Variants in SNTG1 observed in about 807,000 individuals in gnomAD.
The protein encoded by SNTG1 is syntrophin gamma 1, also known as gamma-1-syntrophin.
In SNTG1, 39 loss-of-function variants were observed where a neutral mutation model predicts 74.7. The observed-to-expected ratio is 0.52, with a 90% CI of 0.40 to 0.68. The LOEUF (loss-of-function observed/expected upper bound fraction) is 0.68. SNTG1 is among the 30% of genes least tolerant of loss of function. The pLI is 0.00. For missense variants in SNTG1, 685 were observed against 609.5 expected (o/e 1.12, Z -1.30); for synonymous variants, 254 against 217.1 (o/e 1.17, Z -1.49).
intron 5 of SNTG1, among the ~76,000 whole-genome samples, chr8:50,441,939 T>C (rs952382560): frequency 1.3e-5 from 2 of 152,052 alleles, no homozygotes; most frequent in African/African-American, 2.4e-5. Flanking sequence ...CATTAAAAGG[T>C]AAAGACCAAA....
intron 11 of SNTG1, among the ~76,000 whole-genome samples, chr8:50,551,872 A>G (rs1438242737): frequency 1.3e-5 from 2 of 152,162 alleles, no homozygotes; most frequent in Admixed American, 6.6e-5. Context: ...TTGAACCCTC[A>G]GAGTCGTGGA....
At chr8:49,995,610 A>C (rs1169481424) in intron 1 of SNTG1, among the ~76,000 whole-genome samples, 1 of 152,250 alleles carries the variant, frequency 6.6e-6, no homozygotes, top group African/African-American at 2.4e-5. Flanking sequence ...AGGTCCCCTC[A>C]CACACAAAGT....
At chr8:50,462,917 A>G (rs2093579216) in intron 8 of SNTG1, among the ~76,000 whole-genome samples, 1 of 138,540 alleles carries the variant, frequency 7.2e-6, no homozygotes. Context: ...CCCAGGTTCA[A>G]GTGATTCTCC....
chr8:50,406,498 A>T (rs956857650), intron 4 of SNTG1, among the ~76,000 whole-genome samples: 1 of 152,136 alleles, frequency 6.6e-6, no homozygotes, highest in African/African-American at 2.4e-5. Context: ...AAGTTTACTT[A>T]TTCCTTTCAA....
At chr8:50,116,590 T>C (rs966592410) in intron 1 of SNTG1, among the ~76,000 whole-genome samples, 2 of 152,210 alleles carry the variant, frequency 1.3e-5, no homozygotes, top group African/African-American at 2.4e-5. Context: ...ATTTTGAATA[T>C]ACACCTTCTT....
At chr8:50,349,919 T>C (rs1299455931) in intron 2 of SNTG1, among the ~76,000 whole-genome samples, 2 of 150,908 alleles carry the variant, frequency 1.3e-5, no homozygotes, top group Admixed American at 1.3e-4. Context: ...AGGTGTGGAG[T>C]GAGAGGCGCG....
rs375904899 is a variant in SNTG1 at position 50,236,436 on chromosome 8, C to A, written c.-28+63801C>A. 2.7e-5 allele frequency among the ~76,000 whole-genome samples: 4 copies of A among 148,024 alleles called. No homozygotes were observed. The East Asian group carries it at 6.1e-4, about 23-fold the overall frequency. ...AAAAAGCTCTGAATGTTTACAGAAA[C>A]TTTTTAATTGTAAATTTTTTTTTTT... On this transcript the variant is annotated intron_variant, in intron 2 of 18. Transcript: ENST00000642720.
intron 8 of SNTG1, among the ~76,000 whole-genome samples, chr8:50,487,386 C>T (rs1179686925): frequency 6.6e-6 from 1 of 152,178 alleles, no homozygotes; most frequent in Non-Finnish European, 1.5e-5. Flanking sequence ...GACACATGCA[C>T]ACGTTTATTT....
At chr8:49,957,487 G>T (rs1383514597) in intron 1 of SNTG1, among the ~76,000 whole-genome samples, 2 of 152,178 alleles carry the variant, frequency 1.3e-5, no homozygotes, top group African/African-American at 4.8e-5. Flanking sequence ...TCATGTAGGG[G>T]GGTAAGTGTG....
rs568391952 is a variant in SNTG1, at chr8:50,419,818, G to C, written c.162+17474G>C. 1.4e-4 allele frequency among the ~76,000 whole-genome samples: 22 copies of C among 152,074 alleles called. No individual in the cohort carries two copies. In the South Asian group the frequency reaches 4.6e-3, roughly 32 times the overall value. On this transcript the variant is annotated intron_variant, in intron 4 of 18. Coordinates refer to ENST00000642720, the MANE Select transcript of SNTG1 (RefSeq NM_018967.5). ...TTACAAACACCATTGAAACAAATGA[G>C]AAAATAGAATATCTCAGCCAAAAAA...
intron 2 of SNTG1, among the ~76,000 whole-genome samples, chr8:50,267,123 G>A (rs906834521): frequency 6.6e-6 from 1 of 151,978 alleles, no homozygotes; most frequent in Non-Finnish European, 1.5e-5. Context: ...GTGTAATGAA[G>A]TTCTAAATTT....
chr8:50,627,329 A>G (rs2094963106), intron 13 of SNTG1, among the ~76,000 whole-genome samples: 1 of 152,208 alleles, frequency 6.6e-6, no homozygotes, highest in Admixed American at 6.5e-5. Context: ...AAAAACCATC[A>G]TGAATGGATT....
chr8:50,575,501 T>C (rs953013432), intron 12 of SNTG1, among the ~76,000 whole-genome samples: 1 of 152,164 alleles, frequency 6.6e-6, no homozygotes, highest in Admixed American at 6.5e-5. Context: ...TCCTTTTCTG[T>C]TTTCCAGACT....
intron 13 of SNTG1, among the ~76,000 whole-genome samples, chr8:50,650,382 AT>A (rs1427216226): frequency 6.6e-6 from 1 of 152,098 alleles, no homozygotes; most frequent in East Asian, 1.9e-4. Flanking sequence ...TTTTATAAAT[AT>A]TCTTGTCAGG....
chr8:50,494,455 C>T (rs997923511), intron 8 of SNTG1, among the ~76,000 whole-genome samples: 2 of 151,862 alleles, frequency 1.3e-5, no homozygotes, highest in Non-Finnish European at 2.9e-5. Flanking sequence ...TGATTTTCTA[C>T]TGGAATCATC....
At chr8:50,461,418 C>T (rs2093561069) in intron 8 of SNTG1, among the ~76,000 whole-genome samples, 1 of 152,002 alleles carries the variant, frequency 6.6e-6, no homozygotes, top group Admixed American at 6.6e-5. Flanking sequence ...TCACTATACC[C>T]AATGCCAATT....
intron 2 of SNTG1, among the ~76,000 whole-genome samples, chr8:50,323,472 T>G (rs2090610411): frequency 6.6e-6 from 1 of 152,198 alleles, no homozygotes. Flanking sequence ...TGGGCTTGTT[T>G]GTGCCTGTCC....
At chr8:50,068,610 C>A (rs1179589680) in intron 1 of SNTG1, among the ~76,000 whole-genome samples, 2 of 152,176 alleles carry the variant, frequency 1.3e-5, no homozygotes, top group Non-Finnish European at 2.9e-5. Context: ...CTCACATATT[C>A]CACGCTACTG....
intron 2 of SNTG1, among the ~76,000 whole-genome samples, chr8:50,250,750 C>T (rs576928794): frequency 1.1e-4 from 16 of 152,018 alleles, no homozygotes; most frequent in Non-Finnish European, 2.4e-4. Context: ...TTATATCCAG[C>T]AAAGCTATTC....
Sources: gnomAD v4.1 joint callset for allele counts (sites outside exome capture counted in the v4.1 genomes callset) on GRCh38, gnomAD v4.1.1 for gene constraint, MANE v1.5 for transcripts, NCBI Gene and HGNC (gene_info 2026-07-23, HGNC 2026-07-21) for gene names.